The following NSUN7 variants were observed in gnomAD, a reference collection of about 807,000 sequenced individuals.
NSUN7 encodes the protein NOP2/Sun RNA methyltransferase family member 7.
Under a neutral mutation model 58.5 loss-of-function variants are expected in NSUN7, and 39 were observed. The observed-to-expected ratio is 0.67, with a 90% CI of 0.52 to 0.87. The LOEUF (loss-of-function observed/expected upper bound fraction) is 0.87. Among genes scored for constraint, NSUN7 ranks in the 40% least tolerant of loss-of-function variants. The pLI is 0.00. For synonymous variants in NSUN7, 278 were observed against 303.7 expected (o/e 0.92, Z 0.88); for missense variants, 765 against 844.1 (o/e 0.91, Z 1.16).
intron 7 of NSUN7, 55 bp downstream of exon 7, chr4:40,776,314 CGTT>C (rs1742266629): frequency 8.0e-7 from 1 of 1,247,968 alleles, no homozygotes; most frequent in Admixed American, 2.3e-5. Flanking sequence ...ATTTTAGAAA[CGTT>C]AAAAAGTTTT....
intron 4 of NSUN7, among the ~76,000 whole-genome samples, chr4:40,762,972 A>G (rs1344111308): frequency 6.6e-6 from 1 of 152,068 alleles, no homozygotes; most frequent in African/African-American, 2.4e-5. Flanking sequence ...CATTCCCTCC[A>G]CCTTCCCCCA....
intron 5 of NSUN7, 118 bp from the exon 6 acceptor site, chr4:40,774,649 C>A: frequency 1.4e-6 from 1 of 729,420 alleles, no homozygotes; most frequent in Non-Finnish European, 2.3e-6. Context: ...ATTGTTAGTT[C>A]CATTAGATGT....
At chr4:40,760,395 T>C (rs1183516583) in intron 2 of NSUN7, 39 bp from the exon 3 acceptor site, 3 of 1,523,202 alleles carry the variant, frequency 2.0e-6, no homozygotes, top group Non-Finnish European at 2.7e-6. Flanking sequence ...CATTTTCCGC[T>C]TTGTATTTTC....
At position 40,750,582 on chromosome 4, in the gene NSUN7, A is replaced by G. The variant is rs570447002; in HGVS notation, c.-91-21A>G. On this transcript the variant is annotated intron_variant, in intron 1 of 11. Transcript: ENST00000381782. Reference sequence around the variant, plus strand: ...TGCTGCAGAAAGAGTGATTTACTGCAATCACCTTCTCTCTTCACAGAGACC... The same window carrying G: ...TGCTGCAGAAAGAGTGATTTACTGCGATCACCTTCTCTCTTCACAGAGACC... The G allele has an allele frequency of 2.3e-6, 3 of 1,291,480 alleles. No individual in the cohort carries two copies. The South Asian group carries it at 4.3e-5, about 18-fold the overall frequency. The allele number at this position is 1,291,480 out of a possible 1,614,324, so 80.0% of individuals were successfully genotyped here. A position where few individuals can be genotyped will look rare whatever the true frequency, so the allele number is the denominator to read the frequency against.
chr4:40,752,359 T>C (rs1740876850), intron 2 of NSUN7, among the ~76,000 whole-genome samples: 1 of 152,228 alleles, frequency 6.6e-6, no homozygotes, highest in South Asian at 2.1e-4. Context: ...GGACGATTGC[T>C]TGACTTCAGG....
At chr4:40,785,893 G>A (rs574605952) in intron 7 of NSUN7, among the ~76,000 whole-genome samples, 23 of 152,332 alleles carry the variant, frequency 1.5e-4, no homozygotes, top group African/African-American at 3.8e-4. Context: ...CAAAGCTGGC[G>A]CGCGGCGCCT....
At chr4:40,788,242 G>T (rs944624502) in intron 7 of NSUN7, among the ~76,000 whole-genome samples, 1 of 152,182 alleles carries the variant, frequency 6.6e-6, no homozygotes, top group Non-Finnish European at 1.5e-5. Context: ...CAGGTATTTG[G>T]GTACACTCTT....
intron 10 of NSUN7, 58 bp downstream of exon 10, chr4:40,798,962 A>G: frequency 1.2e-6 from 1 of 855,544 alleles, no homozygotes; most frequent in Non-Finnish European, 1.8e-6. Context: ...AAAAGGAAAA[A>G]TATTATTTTC....
chr4:40,759,183 C>T (rs975193799), intron 2 of NSUN7, among the ~76,000 whole-genome samples: 4 of 152,092 alleles, frequency 2.6e-5, no homozygotes, highest in Admixed American at 6.6e-5. Flanking sequence ...CTGTGATGCA[C>T]ACCTGTAATC....
chr4:40,752,540 C>G (rs1229586728), intron 2 of NSUN7, among the ~76,000 whole-genome samples: 1 of 152,172 alleles, frequency 6.6e-6, no homozygotes, highest in African/African-American at 2.4e-5. Flanking sequence ...CCTGCCTCAG[C>G]CTCCTGAGTA....
chr4:40,756,064 A>G (rs1741130041), intron 2 of NSUN7, among the ~76,000 whole-genome samples: 1 of 152,066 alleles, frequency 6.6e-6, no homozygotes, highest in African/African-American at 2.4e-5. Flanking sequence ...GACCAAGCCG[A>G]TACTGTGTGG....
Position 40,807,082 on chromosome 4 carries a change from A to C in NSUN7, c.1422A>C (p.Pro474=). Residue 474 remains proline (P), a synonymous_variant, in exon 11 of 12, where the codon CCA becomes CCC. Coordinates refer to ENST00000381782, the MANE Select transcript of NSUN7 (RefSeq NM_024677.6). ...GCAGGCTTAGTCCTCCTGTTCTTCC[A>C]CTGTGCTCCTTAAAGGAAATTCAAT... is the stretch of plus-strand genomic sequence containing the variant. ...QPYRLSPPVL[P]LCSLKEIQLS... 6.4e-7 allele frequency: 1 copy of C among 1,551,802 alleles called. No homozygotes were observed. Among genetic ancestry groups the C allele is most frequent in the Non-Finnish European group, 8.7e-7 (1 of 1,146,954 alleles).
At chr4:40,762,510 T>C (rs1024285724) in intron 4 of NSUN7, 1 of 152,254 alleles carries the variant, frequency 6.6e-6, no homozygotes. Context: ...TTACATTTAT[T>C]GAGCACTTAA....
In NSUN7 at chr4:40,790,323, G is replaced by A. The variant is rs143365989; in HGVS notation, c.1037-279G>A. 4.6e-5 allele frequency among the ~76,000 whole-genome samples: 7 copies of A among 152,208 alleles called. No homozygotes were observed. The East Asian group carries it at 1.4e-3, about 29-fold the overall frequency. ...CAACTTGAATTTTTCTGCCTCTGAA[G>A]TCTATTTCTCCCCTACTATATATCC... is the stretch of plus-strand genomic sequence containing the variant. On this transcript the variant is annotated intron_variant, in intron 7 of 11. Transcript: ENST00000381782.
chr4:40,791,714 G>C (rs1275275134), intron 8 of NSUN7, among the ~76,000 whole-genome samples: 1 of 152,172 alleles, frequency 6.6e-6, no homozygotes, highest in Non-Finnish European at 1.5e-5. Context: ...TATAGTAACT[G>C]TTTTCTGTTT....
chr4:40,789,028 AG>A (rs1407687114), intron 7 of NSUN7, among the ~76,000 whole-genome samples: 2 of 152,234 alleles, frequency 1.3e-5, no homozygotes, highest in East Asian at 1.9e-4. Context: ...TAAAGGAAAA[AG>A]GGTTTTAGAA....
At chr4:40,774,051 G>A (rs901361298) in intron 4 of NSUN7, among the ~76,000 whole-genome samples, 1 of 152,142 alleles carries the variant, frequency 6.6e-6, no homozygotes, top group Non-Finnish European at 1.5e-5. Flanking sequence ...ACTTGCCTCG[G>A]CCTCCCAAAG....
chr4:40,794,530 A>G (rs1469663857), intron 9 of NSUN7, 54 bp downstream of exon 9: 51 of 1,077,774 alleles, frequency 4.7e-5, no homozygotes, highest in Non-Finnish European at 6.4e-5. Context: ...TTTTAGAAAT[A>G]TTAGTCTTTC....
chr4:40,759,560 G>A (rs1741340167), intron 2 of NSUN7, among the ~76,000 whole-genome samples: 1 of 152,066 alleles, frequency 6.6e-6, no homozygotes. Context: ...CTTCACTATT[G>A]AGTTTTACTA....
Sources: gnomAD v4.1 joint callset for allele counts (sites outside exome capture counted in the v4.1 genomes callset) on GRCh38, gnomAD v4.1.1 for gene constraint, MANE v1.5 for transcripts, NCBI Gene and HGNC (gene_info 2026-07-23, HGNC 2026-07-21) for gene names.